Variants in MOK observed in about 807,000 individuals in gnomAD.
MOK encodes the protein MOK protein kinase.
In MOK, 59 loss-of-function variants were observed where a neutral mutation model predicts 54.2. That is an observed-to-expected ratio of 1.09 (90% confidence interval 0.88 to 1.35). MOK has a LOEUF of 1.35. Ranked by LOEUF, MOK falls within the 40% of genes most tolerant of loss-of-function variation. MOK has a pLI of 0.00. For missense variants in MOK, 517 were observed against 526.2 expected (o/e 0.98, Z 0.17); for synonymous variants, 210 against 202.7 (o/e 1.04, Z -0.31).
intron 4 of MOK, among the ~76,000 whole-genome samples, chr14:102,261,503 C>A (rs1275878882): frequency 7.9e-6 from 1 of 125,828 alleles, no homozygotes; most frequent in Non-Finnish European, 1.6e-5. Flanking sequence ...AGCAACTTGC[C>A]AAAAATTCTC....
intron 7 of MOK, chr14:102,234,826 T>G (rs903630943): frequency 6.6e-6 from 1 of 152,158 alleles, no homozygotes; most frequent in East Asian, 1.9e-4. Context: ...TAGACAACTT[T>G]TGCCACCGCA....
rs1314628201 is a variant in MOK, at chr14:102,230,835, G to GA, written c.981+871dup. The GA allele has an allele frequency of 1.3e-5, 2 of 152,460 alleles. No individual in the cohort carries two copies. The highest frequency in any genetic ancestry group is 1.3e-4 in the Admixed American group (2 of 15,292). 9.4% of individuals were successfully genotyped at this position (152,460 alleles called of 1,614,324 possible). On this transcript the variant is annotated intron_variant, in intron 10 of 11. Coordinates refer to ENST00000361847, the MANE Select transcript of MOK (RefSeq NM_014226.3). The surrounding 1 kb of genome is among the most constrained non-coding windows in gnomAD (Gnocchi z 4.1). ...AGGGAAGGCCATGGGAAGCCACAGG[G>GA]AAAAAGCACGTTTGGGGAAAGATCA... is the stretch of plus-strand genomic sequence containing the variant.
intron 1 of MOK, among the ~76,000 whole-genome samples, chr14:102,290,505 AATGGAACATTAACC>A (rs2070656672): frequency 6.6e-6 from 1 of 152,140 alleles, no homozygotes. Flanking sequence ...AGGCTTGGGG[AATGGAACATTAACC>A]ATTCAATTTG....
intron 7 of MOK, 155 bp from the exon 8 acceptor site, chr14:102,233,944 G>A (rs1005300185): frequency 6.6e-6 from 4 of 609,204 alleles, no homozygotes; most frequent in African/African-American, 5.6e-5. Flanking sequence ...TCATCTAGCT[G>A]CTACCGTAAA....
chr14:102,229,864 G>A, intron 10 of MOK: 2 of 577,026 alleles, frequency 3.5e-6, no homozygotes, highest in Non-Finnish European at 6.1e-6. Flanking sequence ...ACCTTCAGGG[G>A]GAACCTGAAG....
chr14:102,254,639 T>C (rs1006848065), intron 4 of MOK, among the ~76,000 whole-genome samples: 19 of 152,048 alleles, frequency 1.2e-4, no homozygotes, highest in African/African-American at 4.6e-4. Flanking sequence ...CACGAGTGGG[T>C]TGCTAAGACA....
chr14:102,251,787 C>T lies in MOK; in HGVS notation c.380G>A (p.Arg127Lys). The change falls in exon 6 of 12, where the codon AGA (arginine) becomes AAA (lysine). Residue 127 changes from arginine (R) to lysine (K), a missense_variant. Arg to Lys is a conservative substitution (Grantham distance 26). Transcript: ENST00000361847. Reference protein sequence around the residue: ...DHIHRNGIFHRDVKPENILIK... With the variant: ...DHIHRNGIFHKDVKPENILIK... The stretch of plus-strand genomic sequence containing the variant: ...TAGTATATTTTCTGGTTTTACATCT[C>T]TGTGAAATATTCCATTTCTGCATTC... 6.4e-7 allele frequency: 1 copy of T among 1,573,506 alleles called. No homozygotes were observed. Among genetic ancestry groups the T allele is most frequent in the South Asian group, 1.1e-5 (1 of 89,158 alleles).
intron 1 of MOK, among the ~76,000 whole-genome samples, chr14:102,301,418 G>A (rs1260733489): frequency 6.6e-6 from 1 of 152,070 alleles, no homozygotes; most frequent in Non-Finnish European, 1.5e-5. Flanking sequence ...TAAAAAGAAG[G>A]ACAGGAATAC....
intron 5 of MOK, 30 bp from the exon 6 acceptor site, chr14:102,251,834 T>C (rs1219053856): frequency 1.9e-6 from 3 of 1,546,236 alleles, no homozygotes; most frequent in Non-Finnish European, 2.7e-6. Flanking sequence ...AAAATAGAAT[T>C]ACACTTCATT....
intron 1 of MOK, among the ~76,000 whole-genome samples, chr14:102,295,631 T>C (rs2071344009): frequency 6.6e-6 from 1 of 152,178 alleles, no homozygotes; most frequent in Admixed American, 6.6e-5. Context: ...CAAACCAAAT[T>C]ACTAAAACAA....
In MOK at chr14:102,285,082, C is replaced by CAAAAAA. The variant is rs34015643; in HGVS notation, c.8-1496_8-1491dup. ...TGGGCTACAGAGTGAGATGTCATCT[C>CAAAAAA]AAAAAAAAAAAAAAAAAAGAAAATG... On this transcript the variant is annotated intron_variant, in intron 1 of 11. Coordinates refer to ENST00000361847, the MANE Select transcript of MOK (RefSeq NM_014226.3). Among the ~76,000 whole-genome samples, 22 of 65,958 alleles carry CAAAAAA rather than the reference C, an allele frequency of 3.3e-4. 4 individuals carry two copies. Among genetic ancestry groups the CAAAAAA allele is most frequent in the Admixed American group, 1.7e-4 (1 of 5,764 alleles). 43.3% of individuals were successfully genotyped at this position (65,958 alleles called of 152,430 possible). A position where few individuals can be genotyped will look rare whatever the true frequency, so the allele number is the denominator to read the frequency against.
At position 102,236,181 on chromosome 14, in the gene MOK, C is replaced by T. The variant is rs1209694824; in HGVS notation, c.591-2392G>A. Among the ~76,000 whole-genome samples, 2 of 152,342 alleles carry T rather than the reference C, an allele frequency of 1.3e-5. No homozygotes were observed. Among genetic ancestry groups the T allele is most frequent in the East Asian group, 1.9e-4 (1 of 5,186 alleles). On this transcript the variant is annotated intron_variant, in intron 7 of 11. Transcript: ENST00000361847. The surrounding 1 kb of genome is among the most constrained non-coding windows in gnomAD (Gnocchi z 4.5). Reference sequence around the variant, plus strand: ...TTTAACAAGACAAAAAGTGAAGAACCGCTTGCATTCCCGCAGCTCCTCAGC... The same window carrying T: ...TTTAACAAGACAAAAAGTGAAGAACTGCTTGCATTCCCGCAGCTCCTCAGC...
rs751005132 is a variant in MOK, at chr14:102,249,650, G to A, written c.590+1162C>T. Among the ~76,000 whole-genome samples, 3 of 152,126 alleles carry A rather than the reference G, an allele frequency of 2.0e-5. No individual in the cohort carries two copies. Among genetic ancestry groups the A allele is most frequent in the South Asian group, 2.1e-4 (1 of 4,832 alleles). On this transcript the variant is annotated intron_variant, in intron 7 of 11. Transcript: ENST00000361847. This position sits in a 1 kb window ranked among gnomAD's most constrained non-coding sequence, Gnocchi z 5.3. ...CTAGAACCCGGGAGGCGGAGGCTGC[G>A]GTGAGCCAAGATCGCACCATTGCAC...
chr14:102,280,434 C>T (rs2153166065), intron 2 of MOK, among the ~76,000 whole-genome samples: 1 of 152,244 alleles, frequency 6.6e-6, no homozygotes, highest in South Asian at 2.1e-4. Context: ...TGGTCTCAAA[C>T]TCCTGGGCTC....
chr14:102,242,865 G>A (rs190398904), intron 7 of MOK, among the ~76,000 whole-genome samples: 41 of 152,032 alleles, frequency 2.7e-4, no homozygotes, highest in Non-Finnish European at 4.9e-4. Context: ...TTCTGTTCTG[G>A]GTCTCAAACA....
chr14:102,284,968 G>C (rs961687905), intron 1 of MOK, among the ~76,000 whole-genome samples: 15 of 151,750 alleles, frequency 9.9e-5, no homozygotes, highest in Non-Finnish European at 1.9e-4. Flanking sequence ...CTGTAGTCCC[G>C]GCCACTTGGG....
intron 2 of MOK, among the ~76,000 whole-genome samples, chr14:102,279,120 C>T (rs2069159794): frequency 6.6e-6 from 1 of 152,196 alleles, no homozygotes; most frequent in Non-Finnish European, 1.5e-5. Flanking sequence ...GAGCTGGTAA[C>T]CCTACACTGA....
intron 1 of MOK, among the ~76,000 whole-genome samples, chr14:102,285,406 G>A (rs1159794356): frequency 6.6e-6 from 1 of 152,136 alleles, no homozygotes; most frequent in Non-Finnish European, 1.5e-5. Flanking sequence ...CTGAAGGTGG[G>A]CATCCTCTTC....
At chr14:102,215,186 C>T in the MOK span, among the ~76,000 whole-genome samples, 2 of 152,242 alleles carry the variant, frequency 1.3e-5, no homozygotes, top group Non-Finnish European at 1.5e-5. Flanking sequence ...GCAGCGTACT[C>T]GATGAAATGT....
Sources: allele counts gnomAD v4.1 joint callset (sites outside exome capture counted in the v4.1 genomes callset), GRCh38; gene constraint gnomAD v4.1.1; non-coding constraint Gnocchi (gnomAD v3.1); transcripts MANE v1.5; gene names NCBI Gene and HGNC (gene_info 2026-07-23, HGNC 2026-07-21).